The following NRG1 variants were observed in gnomAD, a reference collection of about 807,000 sequenced individuals.
NRG1 encodes neuregulin 1, also known as pro-neuregulin-1, membrane-bound isoform.
A neutral mutation model predicts 63.8 loss-of-function variants in NRG1; 18 were observed. That is an observed-to-expected ratio of 0.28 (90% CI 0.19 to 0.42). The LOEUF is 0.42. Among genes scored for constraint, NRG1 ranks in the 10% least tolerant of loss-of-function variants. The pLI is 1.00. For synonymous variants in NRG1, 302 were observed against 301.3 expected (o/e 1.00, Z -0.02); for missense variants, 762 against 814.7 (o/e 0.94, Z 0.79).
intron 1 of NRG1, among the ~76,000 whole-genome samples, chr8:31,796,036 T>C (rs1423100273): frequency 6.6e-6 from 1 of 152,166 alleles, no homozygotes; most frequent in Non-Finnish European, 1.5e-5. Flanking sequence ...ACAAGGAAAA[T>C]ATATATTTTA....
At chr8:31,646,755 A>T (rs1804327064) in intron 1 of NRG1, among the ~76,000 whole-genome samples, 2 of 152,208 alleles carry the variant, frequency 1.3e-5, no homozygotes, top group South Asian at 4.1e-4. Context: ...GGATAGTGGA[A>T]ATCACTGTTC....
intron 1 of NRG1, among the ~76,000 whole-genome samples, chr8:32,496,589 C>CAAAATAAAAT (rs10674633): frequency 3.3e-5 from 5 of 149,536 alleles, no homozygotes; most frequent in Admixed American, 6.7e-5. Context: ...GACCCTGTCT[C>CAAAATAAAAT]AAAATAAAAT....
intron 1 of NRG1, among the ~76,000 whole-genome samples, chr8:32,504,124 C>A (rs191700618): frequency 6.6e-6 from 1 of 152,184 alleles, no homozygotes; most frequent in Admixed American, 6.5e-5. Context: ...TTACCCAACT[C>A]CTGCGATCTT....
chr8:32,080,944 A>C (rs185081680), intron 1 of NRG1, among the ~76,000 whole-genome samples: 1 of 152,216 alleles, frequency 6.6e-6, no homozygotes, highest in East Asian at 1.9e-4. Context: ...GTTTAAGTTC[A>C]TAAGATTTCT....
chr8:32,521,470 G>T (rs551144257), intron 1 of NRG1, among the ~76,000 whole-genome samples: 19 of 152,196 alleles, frequency 1.2e-4, no homozygotes, highest in African/African-American at 4.3e-4. Flanking sequence ...TGGTTTAACC[G>T]AGTTGAATAC....
intron 1 of NRG1, among the ~76,000 whole-genome samples, chr8:31,983,979 T>C (rs1809609936): frequency 1.3e-5 from 2 of 152,032 alleles, no homozygotes; most frequent in Non-Finnish European, 2.9e-5. Flanking sequence ...ATATCGTTGC[T>C]GAGTTGTGTG....
At chr8:32,397,464 A>G (rs1812586332) in intron 1 of NRG1, among the ~76,000 whole-genome samples, 1 of 152,100 alleles carries the variant, frequency 6.6e-6, no homozygotes, top group Non-Finnish European at 1.5e-5. Flanking sequence ...TGTGATTTCC[A>G]AGTATCTATA....
intron 1 of NRG1, among the ~76,000 whole-genome samples, chr8:32,516,085 T>C (rs1829793766): frequency 6.6e-6 from 1 of 152,240 alleles, no homozygotes; most frequent in South Asian, 2.1e-4. Context: ...AATTTTTGTA[T>C]ATGGTGAAAG....
intron 1 of NRG1, among the ~76,000 whole-genome samples, chr8:32,593,138 G>T (rs1842800476): frequency 6.6e-6 from 1 of 152,094 alleles, no homozygotes; most frequent in Non-Finnish European, 1.5e-5. Flanking sequence ...TGCTGTCTCA[G>T]GGGCAGCAGA....
rs543432778 is a variant in NRG1 at position 32,527,460 on chromosome 8, A to T, written c.38-68368A>T. On this transcript the variant is annotated intron_variant, in intron 1 of 10. Transcript: ENST00000519301. ...CTCTACTTATAAGTGGGAGCTAAAT[A>T]TGTGTACCATGGATATAGAAATTGG... is the stretch of plus-strand genomic sequence containing the variant. 6.5e-4 allele frequency among the ~76,000 whole-genome samples: 98 copies of T among 150,318 alleles called. No homozygotes were observed. In the Middle Eastern group the frequency reaches 0.014, roughly 21 times the overall value.
At chr8:32,574,881 C>G (rs117259241) in intron 1 of NRG1, among the ~76,000 whole-genome samples, 1,598 of 152,346 alleles carry the variant, frequency 0.01, 12 homozygotes, top group Middle Eastern at 0.044. Context: ...CCACCTAACT[C>G]TCCTATGTTA....
chr8:32,121,873 C>T (rs560847743), intron 1 of NRG1, among the ~76,000 whole-genome samples: 177 of 152,020 alleles, frequency 1.2e-3, no homozygotes, highest in African/African-American at 4.0e-3. Flanking sequence ...AAAATATAGA[C>T]AGAGAAAAGG....
At chr8:32,568,637 C>T (rs1837921852) in intron 1 of NRG1, among the ~76,000 whole-genome samples, 1 of 152,074 alleles carries the variant, frequency 6.6e-6, no homozygotes, top group Admixed American at 6.5e-5. Flanking sequence ...TGAAGCTGTC[C>T]GGGATAGGGC....
intron 8 of NRG1, among the ~76,000 whole-genome samples, chr8:32,755,585 C>T (rs533321845): frequency 3.9e-5 from 6 of 152,204 alleles, no homozygotes; most frequent in African/African-American, 9.6e-5. Context: ...GAACATGTTA[C>T]GATTGTGCCA....
At chr8:31,952,194 G>T (rs1304456115) in intron 1 of NRG1, among the ~76,000 whole-genome samples, 2 of 152,160 alleles carry the variant, frequency 1.3e-5, no homozygotes, top group Non-Finnish European at 2.9e-5. Context: ...AATTTATTCA[G>T]CATCCCTTTA....
intron 1 of NRG1, among the ~76,000 whole-genome samples, chr8:31,772,012 C>T (rs867314480): frequency 2.6e-5 from 4 of 152,120 alleles, no homozygotes; most frequent in Admixed American, 6.5e-5. Flanking sequence ...AACTGTTACC[C>T]GAAGGCAATT....
chr8:31,844,059 A>G (rs1435560817), intron 1 of NRG1, among the ~76,000 whole-genome samples: 1 of 152,208 alleles, frequency 6.6e-6, no homozygotes, highest in Non-Finnish European at 1.5e-5. Flanking sequence ...TGATGTTGTT[A>G]CTGTTATTAT....
intron 1 of NRG1, among the ~76,000 whole-genome samples, chr8:32,588,580 G>A (rs1842024737): frequency 6.6e-6 from 1 of 152,154 alleles, no homozygotes; most frequent in South Asian, 2.1e-4. Context: ...CTTTTATGTT[G>A]TATAATGAAA....
chr8:32,310,627 C>T (rs1856711493), intron 1 of NRG1, among the ~76,000 whole-genome samples: 1 of 152,120 alleles, frequency 6.6e-6, no homozygotes, highest in South Asian at 2.1e-4. Context: ...AGTGAGAATG[C>T]AGGAGAAGTC....
Sources: gnomAD v4.1 joint callset for allele counts (sites outside exome capture counted in the v4.1 genomes callset) on GRCh38, gnomAD v4.1.1 for gene constraint, MANE v1.5 for transcripts, NCBI Gene and HGNC (gene_info 2026-07-23, HGNC 2026-07-21) for gene names.